ESRRG: variants seen among roughly 807,000 people sequenced by gnomAD.
The protein encoded by ESRRG is estrogen related receptor gamma.
A neutral mutation model predicts 44.0 loss-of-function variants in ESRRG; 13 were observed. That is an observed-to-expected ratio of 0.30 (90% CI 0.19 to 0.47). The LOEUF is 0.47. ESRRG is among the 20% of genes least tolerant of loss of function. ESRRG has a pLI of 1.00. For missense variants in ESRRG, 395 were observed against 580.6 expected (o/e 0.68, Z 3.29); for synonymous variants, 215 against 214.6 (o/e 1.00, Z -0.02).
intron 1 of ESRRG, among the ~76,000 whole-genome samples, chr1:217,115,298 T>A (rs2092709817): frequency 6.6e-6 from 1 of 152,176 alleles, no homozygotes. Flanking sequence ...GCCATGTGGC[T>A]CCTATGCGAT....
At chr1:216,768,874 A>C in intron 2 of ESRRG, among the ~76,000 whole-genome samples, 1 of 152,128 alleles carries the variant, frequency 6.6e-6, no homozygotes, top group East Asian at 1.9e-4. Flanking sequence ...CTAGGATTAC[A>C]CTCTACTAAG....
chr1:216,948,934 G>T (rs907538729), intron 1 of ESRRG, among the ~76,000 whole-genome samples: 1 of 152,110 alleles, frequency 6.6e-6, no homozygotes, highest in African/African-American at 2.4e-5. Flanking sequence ...CCCAAAACAA[G>T]AACATAAGCT....
At chr1:216,709,146 A>G (rs757211091) in intron 1 of ESRRG, among the ~76,000 whole-genome samples, 25 of 152,114 alleles carry the variant, frequency 1.6e-4, no homozygotes, top group Non-Finnish European at 3.5e-4. Context: ...GCAAACCACC[A>G]TGGCTCATGT....
chr1:216,696,290 G>C (rs1271247879), intron 1 of ESRRG, among the ~76,000 whole-genome samples: 1 of 152,074 alleles, frequency 6.6e-6, no homozygotes, highest in African/African-American at 2.4e-5. Context: ...ACAAAATGCT[G>C]TACCTCAAAG....
intron 3 of ESRRG, among the ~76,000 whole-genome samples, chr1:216,603,945 CAA>C (rs144012100): frequency 2.6e-4 from 33 of 127,354 alleles, no homozygotes; most frequent in African/African-American, 8.1e-4. Context: ...AACAAAAAAA[CAA>C]AAAAAAAAAA....
chr1:216,969,827 C>T (rs1301633911), intron 1 of ESRRG, among the ~76,000 whole-genome samples: 8 of 152,052 alleles, frequency 5.3e-5, no homozygotes, highest in Admixed American at 1.3e-4. Flanking sequence ...TCAGGTGATC[C>T]GCCCACCTCA....
chr1:217,124,912 CT>C (rs2092869115), intron 1 of ESRRG, among the ~76,000 whole-genome samples: 1 of 152,174 alleles, frequency 6.6e-6, no homozygotes, highest in Admixed American at 6.5e-5. Flanking sequence ...CCTTCTCATG[CT>C]GCCCTTCTCA....
At chr1:216,657,974 A>G (rs1011642055) in intron 2 of ESRRG, among the ~76,000 whole-genome samples, 14 of 152,186 alleles carry the variant, frequency 9.2e-5, no homozygotes. Flanking sequence ...TTTCAAGGTG[A>G]AACTCAAGCC....
At chr1:216,783,581 T>C (rs1212049649) in intron 2 of ESRRG, among the ~76,000 whole-genome samples, 2 of 152,088 alleles carry the variant, frequency 1.3e-5, no homozygotes, top group African/African-American at 2.4e-5. Flanking sequence ...AAAGACTAGT[T>C]GCTTATGTAT....
chr1:216,635,526 G>A (rs576312929), intron 3 of ESRRG, among the ~76,000 whole-genome samples: 45 of 152,306 alleles, frequency 3.0e-4, no homozygotes, highest in Non-Finnish European at 5.3e-4. Flanking sequence ...AAAAGTAACT[G>A]TAGATGCCTT....
At chr1:216,636,495 C>G (rs1243011108) in intron 3 of ESRRG, among the ~76,000 whole-genome samples, 1 of 152,118 alleles carries the variant, frequency 6.6e-6, no homozygotes, top group Non-Finnish European at 1.5e-5. Flanking sequence ...TAGTAAAGGC[C>G]CTGCAACTAA....
chr1:216,645,279 A>T (rs563691339), intron 3 of ESRRG, among the ~76,000 whole-genome samples: 110 of 152,284 alleles, frequency 7.2e-4, no homozygotes, highest in African/African-American at 2.5e-3. Flanking sequence ...ACATCTCATT[A>T]TCCATAGCTA....
chr1:216,904,665 G>A (rs1310464556), intron 2 of ESRRG, among the ~76,000 whole-genome samples: 1 of 152,148 alleles, frequency 6.6e-6, no homozygotes, highest in African/African-American at 2.4e-5. Flanking sequence ...CGAGAAGCCT[G>A]GAAGACAGCT....
chr1:216,978,166 T>C (rs528875877), intron 1 of ESRRG, among the ~76,000 whole-genome samples: 75 of 152,290 alleles, frequency 4.9e-4, no homozygotes, highest in African/African-American at 1.7e-3. Flanking sequence ...AAACGAGAGC[T>C]GGCAAATGAC....
chr1:216,750,268 A>C (rs902817440), intron 2 of ESRRG, among the ~76,000 whole-genome samples: 1 of 151,860 alleles, frequency 6.6e-6, no homozygotes, highest in East Asian at 1.9e-4. Flanking sequence ...GAACAAAATC[A>C]CTCTTCTACT....
intron 3 of ESRRG, among the ~76,000 whole-genome samples, chr1:216,612,957 C>A (rs1416803895): frequency 6.6e-6 from 1 of 152,176 alleles, no homozygotes; most frequent in Non-Finnish European, 1.5e-5. Context: ...GGGGCCTTCT[C>A]CTCTGCTGGT....
chr1:216,687,381 T>A (rs2078209441), intron 1 of ESRRG, among the ~76,000 whole-genome samples: 1 of 152,164 alleles, frequency 6.6e-6, no homozygotes, highest in African/African-American at 2.4e-5. Context: ...AGCTGTTGAG[T>A]TGTTACTACA....
At chr1:216,693,644 T>C (rs1366608545) in intron 1 of ESRRG, among the ~76,000 whole-genome samples, 1 of 152,236 alleles carries the variant, frequency 6.6e-6, no homozygotes, top group Non-Finnish European at 1.5e-5. Context: ...CGTAAATAGT[T>C]GTTATACTGT....
At chr1:216,814,100 C>T (rs1347505750) in intron 2 of ESRRG, among the ~76,000 whole-genome samples, 1 of 150,114 alleles carries the variant, frequency 6.7e-6, no homozygotes, top group Non-Finnish European at 1.5e-5. Flanking sequence ...GCCCAAAAGG[C>T]TTAAGTCCTT....
Sources: gnomAD v4.1 joint callset for allele counts (sites outside exome capture counted in the v4.1 genomes callset) on GRCh38, gnomAD v4.1.1 for gene constraint, MANE v1.5 for transcripts, NCBI Gene and HGNC (gene_info 2026-07-23, HGNC 2026-07-21) for gene names.